PCDHA3: variants seen among roughly 807,000 people sequenced by gnomAD.
PCDHA3 encodes the protein protocadherin alpha-3.
PCDHA3 carries 41 observed loss-of-function variants against 62.2 expected under a neutral mutation model. The observed-to-expected ratio is 0.66, with a 90% CI of 0.51 to 0.86. The LOEUF (loss-of-function observed/expected upper bound fraction) is 0.86, where lower values mean the gene tolerates loss of function less well. Among genes scored for constraint, PCDHA3 ranks in the 40% least tolerant of loss-of-function variants. The pLI, the probability that PCDHA3 is intolerant of heterozygous loss-of-function variation, is 0.00. For synonymous variants in PCDHA3, 640 were observed against 555.4 expected (o/e 1.15, Z -2.14); for missense variants, 1,304 against 1,241.2 (o/e 1.05, Z -0.76).
At chr5:140,856,776 G>A in intron 1 of PCDHA3, 1 of 1,596,678 alleles carries the variant, frequency 6.3e-7, no homozygotes, top group Non-Finnish European at 8.6e-7. Context: ...ATCTTTGACA[G>A]ACCGGTTTAT....
chr5:140,835,981 T>C, intron 1 of PCDHA3: 2 of 1,613,332 alleles, frequency 1.2e-6, no homozygotes, highest in Non-Finnish European at 8.5e-7. Context: ...CTGTTGCAGT[T>C]CCAGGTGAGC....
At chr5:140,871,465 CAG>C in intron 1 of PCDHA3, 1 of 1,602,850 alleles carries the variant, frequency 6.2e-7, no homozygotes, top group Non-Finnish European at 8.5e-7. Flanking sequence ...AGGGGAAAGA[CAG>C]GAGCCAGGGT....
At chr5:140,944,966 C>A (rs1554216639) in intron 1 of PCDHA3, among the ~76,000 whole-genome samples, 1 of 152,080 alleles carries the variant, frequency 6.6e-6, no homozygotes, top group Non-Finnish European at 1.5e-5. Context: ...ATTATCTTAA[C>A]CTCTCTGGTG....
chr5:141,004,982 A>G (rs1445212778), intron 3 of PCDHA3, among the ~76,000 whole-genome samples: 2 of 152,234 alleles, frequency 1.3e-5, no homozygotes, highest in African/African-American at 2.4e-5. Flanking sequence ...TTGCAGTATC[A>G]TTATCTTGGT....
intron 1 of PCDHA3, among the ~76,000 whole-genome samples, chr5:140,905,031 T>G (rs2071545933): frequency 6.6e-6 from 1 of 152,228 alleles, no homozygotes. Flanking sequence ...GCAGAAGCTT[T>G]TTAGTTTAAT....
rs1382251688 is a variant in PCDHA3, at chr5:141,010,812, C to A, written c.*875C>A. The A allele has an allele frequency of 6.5e-6, 1 of 153,746 alleles. No homozygotes were observed. Among genetic ancestry groups the A allele is most frequent in the Non-Finnish European group, 1.5e-5 (1 of 68,054 alleles). The allele number at this position is 153,746 out of a possible 1,614,324, so 9.5% of individuals were successfully genotyped here. On this transcript the variant is annotated 3_prime_UTR_variant, in exon 4 of 4. Coordinates refer to ENST00000522353, the MANE Select transcript of PCDHA3 (RefSeq NM_018906.3). The stretch of plus-strand genomic sequence containing the variant: ...GCAAAAGAAAACCCCGACACCTCAC[C>A]TTTCGCTGTTTGTTGTTTCATAGAT...
At chr5:140,984,052 A>G (rs2097083396) in intron 3 of PCDHA3, among the ~76,000 whole-genome samples, 2 of 152,204 alleles carry the variant, frequency 1.3e-5, no homozygotes, top group African/African-American at 4.8e-5. Context: ...TCATTGACAA[A>G]TCTGTACCCT....
intron 1 of PCDHA3, chr5:140,929,578 TA>T: frequency 2.2e-6 from 1 of 445,404 alleles, no homozygotes; most frequent in Non-Finnish European, 4.0e-6. Flanking sequence ...ATAAAAGTAA[TA>T]TGACATAAAG....
At chr5:140,987,045 C>G (rs1344958949) in intron 3 of PCDHA3, among the ~76,000 whole-genome samples, 1 of 151,982 alleles carries the variant, frequency 6.6e-6, no homozygotes, top group Non-Finnish European at 1.5e-5. Flanking sequence ...GAAACCCCAT[C>G]TCTACTAAAG....
chr5:140,811,588 A>G (rs1554125774), intron 1 of PCDHA3: 2 of 152,200 alleles, frequency 1.3e-5, no homozygotes. Flanking sequence ...GTCTTCCACA[A>G]TGGTTGAACT....
In PCDHA3 at chr5:140,856,896, T is replaced by C. The variant is rs2044262669; in HGVS notation, c.2394+53305T>C. 1.3e-6 allele frequency: 2 copies of C among 1,596,700 alleles called. No homozygotes were observed. Among genetic ancestry groups the C allele is most frequent in the African/African-American group, 1.3e-5 (1 of 74,376 alleles). ...GAAATGATGTATTCATTTAGCTCTT[T>C]GGTCCCACCCACGATAAGAAGGAAA... is the stretch of plus-strand genomic sequence containing the variant. On this transcript the variant is annotated intron_variant, in intron 1 of 3. Transcript: ENST00000522353.
intron 1 of PCDHA3, chr5:140,829,491 A>G (rs1770339510): frequency 1.2e-6 from 2 of 1,613,552 alleles, no homozygotes; most frequent in African/African-American, 1.3e-5. Context: ...GTGAAGGAGA[A>G]CAACCCGCCG....
intron 2 of PCDHA3, among the ~76,000 whole-genome samples, chr5:140,980,460 T>G (rs1554241839): frequency 6.6e-6 from 1 of 152,134 alleles, no homozygotes; most frequent in Non-Finnish European, 1.5e-5. Flanking sequence ...TGAAACCCTG[T>G]CTCTACTAAA....
chr5:140,941,255 C>CTTTCTTTCTTTCTTTCTTTCTCTT (rs782490896), intron 1 of PCDHA3, among the ~76,000 whole-genome samples: 1 of 44,508 alleles, frequency 2.2e-5, no homozygotes, highest in Non-Finnish European at 5.1e-5. Flanking sequence ...TTCTTTCTTT[C>CTTTCTTTCTTTCTTTCTTTCTCTT]TCTTTCTTTC....
At chr5:140,872,215 A>T (rs931630004) in intron 1 of PCDHA3, among the ~76,000 whole-genome samples, 2 of 152,188 alleles carry the variant, frequency 1.3e-5, no homozygotes, top group Non-Finnish European at 2.9e-5. Flanking sequence ...ATTATATATG[A>T]AACAATCTTT....
chr5:140,855,819 C>T, intron 1 of PCDHA3: 1 of 524,234 alleles, frequency 1.9e-6, no homozygotes, highest in Non-Finnish European at 3.4e-6. Flanking sequence ...AAGTTGTGAA[C>T]TCATGGAATC....
rs576221086 is a variant in PCDHA3, at chr5:140,933,031, A to G, written c.2395-45918A>G. Among the ~76,000 whole-genome samples, 5 of 152,154 alleles carry G rather than the reference A, an allele frequency of 3.3e-5. No individual in the cohort carries two copies. The South Asian group carries it at 6.2e-4, about 19-fold the overall frequency. ...AATATTAACACTTGGCAGAACTTCAAGTGAATATGGATTACAGTCCAGGAT... is the reference window on the plus strand; with the variant it reads ...AATATTAACACTTGGCAGAACTTCAGGTGAATATGGATTACAGTCCAGGAT... On this transcript the variant is annotated intron_variant, in intron 1 of 3. Coordinates refer to ENST00000522353, the MANE Select transcript of PCDHA3 (RefSeq NM_018906.3).
At chr5:140,898,677 T>C (rs1197350501) in intron 1 of PCDHA3, among the ~76,000 whole-genome samples, 2 of 152,222 alleles carry the variant, frequency 1.3e-5, no homozygotes, top group Non-Finnish European at 2.9e-5. Flanking sequence ...TTGCGGGCTG[T>C]TTTTTGGTTC....
chr5:140,933,545 A>G (rs1424166462), intron 1 of PCDHA3, among the ~76,000 whole-genome samples: 1 of 152,114 alleles, frequency 6.6e-6, no homozygotes, highest in Non-Finnish European at 1.5e-5. Flanking sequence ...TAATGTTAAT[A>G]TAAAATAAAA....
Sources: gnomAD v4.1 joint callset for allele counts (sites outside exome capture counted in the v4.1 genomes callset) on GRCh38, gnomAD v4.1.1 for gene constraint, MANE v1.5 for transcripts, NCBI Gene and HGNC (gene_info 2026-07-23, HGNC 2026-07-21) for gene names.